DDX43: variants seen among roughly 807,000 people sequenced by gnomAD.
The protein encoded by DDX43 is probable ATP-dependent RNA helicase DDX43.
A neutral mutation model predicts 84.9 loss-of-function variants in DDX43; 50 were observed. The ratio of observed to expected loss-of-function variants is 0.59; its 90% confidence interval spans 0.47 to 0.75. DDX43 has a LOEUF of 0.75. Ranked by LOEUF, DDX43 falls within the 30% of genes least tolerant of loss-of-function variation. The pLI is 0.00. For synonymous variants in DDX43, 291 were observed against 266.3 expected, an observed-to-expected ratio of 1.09 and a Z score of -0.90; for missense variants, 689 against 798.6, an observed-to-expected ratio of 0.86 and a Z score of 1.65.
rs748539370 is a variant in DDX43 at position 73,408,025 on chromosome 6, T to C, written c.1103T>C (p.Ile368Thr). ...QIEELKKGVD[I>T]IIATPGRLND... The stretch of plus-strand genomic sequence containing the variant: ...GAAGAGCTTAAAAAAGGTGTAGATA[T>C]CATAATTGCAACTCCCGGAAGATTG... Residue 368 changes from isoleucine (I) to threonine (T), a missense_variant, in exon 9 of 17, where the codon ATC becomes ACC. By Grantham distance (89) the Ile-to-Thr change is moderately conservative (BLOSUM62 -1). Coordinates refer to ENST00000370336, the MANE Select transcript of DDX43 (RefSeq NM_018665.3). 3.1e-6 allele frequency: 5 copies of C among 1,613,784 alleles called. No individual in the cohort carries two copies. The African/African-American group carries it at 4.0e-5, about 13-fold the overall frequency.
At chr6:73,402,039 G>A (rs1204562599) in intron 4 of DDX43, 49 bp downstream of exon 4, 3 of 1,603,250 alleles carry the variant, frequency 1.9e-6, no homozygotes, top group Non-Finnish European at 1.7e-6. Flanking sequence ...GTTAACTGCA[G>A]TTTTTATTCT....
intron 1 of DDX43, among the ~76,000 whole-genome samples, chr6:73,397,007 GTTA>G (rs1284120509): frequency 1.3e-5 from 2 of 152,156 alleles, no homozygotes; most frequent in African/African-American, 2.4e-5. Context: ...TTTCAGTAGT[GTTA>G]TTATGAAAAT....
intron 2 of DDX43, among the ~76,000 whole-genome samples, chr6:73,399,531 G>T (rs2150789279): frequency 6.6e-6 from 1 of 152,214 alleles, no homozygotes; most frequent in East Asian, 1.9e-4. Flanking sequence ...TCCCATAATG[G>T]CCTCGTTTCA....
At chr6:73,415,705 C>T in intron 15 of DDX43, 121 bp downstream of exon 15, 1 of 655,658 alleles carries the variant, frequency 1.5e-6, no homozygotes. Flanking sequence ...GTTTTGAGGG[C>T]TTTAGCATGG....
chr6:73,399,963 T>C (rs1769535540), intron 2 of DDX43, among the ~76,000 whole-genome samples: 1 of 152,210 alleles, frequency 6.6e-6, no homozygotes, highest in Admixed American at 6.5e-5. Context: ...TCTACACTAT[T>C]TGCTGAGTTT....
intron 8 of DDX43, 30 bp from the exon 9 acceptor site, chr6:73,407,930 A>C (rs1769714145): frequency 1.1e-5 from 17 of 1,595,640 alleles, no homozygotes; most frequent in Non-Finnish European, 1.4e-5. Flanking sequence ...CTGTGCCTAA[A>C]CATTAACCTT....
chr6:73,416,342 A>G (rs1304073768), intron 16 of DDX43, 91 bp downstream of exon 16: 1 of 613,052 alleles, frequency 1.6e-6, no homozygotes, highest in Admixed American at 2.7e-5. Context: ...CATGATCTCT[A>G]AGTCATTAAC....
Position 73,405,597 on chromosome 6 carries a change from A to G in DDX43, c.651-82A>G, listed in dbSNP as rs1326403113. The G allele has an allele frequency of 8.7e-6, 12 of 1,386,310 alleles. No homozygotes were observed. In the East Asian group the frequency reaches 2.3e-4, roughly 27 times the overall value. The allele number at this position is 1,386,310 out of a possible 1,614,324, so 85.9% of individuals were successfully genotyped here. A position where few individuals can be genotyped will look rare whatever the true frequency, so the allele number is the denominator to read the frequency against. On this transcript the variant is annotated intron_variant, in intron 5 of 16. Coordinates refer to ENST00000370336, the MANE Select transcript of DDX43 (RefSeq NM_018665.3). ...TAATCAGTTGCAGTTGAATTTCTAGATAAGACCAGCACTGATTTTGGAGAA... is the reference window on the plus strand; with the variant it reads ...TAATCAGTTGCAGTTGAATTTCTAGGTAAGACCAGCACTGATTTTGGAGAA...
In DDX43 at chr6:73,394,929, C is replaced by CA; in HGVS notation, c.26dup (p.Ala10GlyfsTer8). ...CAATGTCCCACCACGGAGGAGCTCC[C>CA]AAGGCCTCTACGTGGGTCGTTGCTA... On this transcript the variant is annotated frameshift_variant, in exon 1 of 17. Coordinates refer to ENST00000370336, the MANE Select transcript of DDX43 (RefSeq NM_018665.3). LOFTEE classifies it high-confidence loss of function. 6.2e-7 allele frequency: 1 copy of CA among 1,614,252 alleles called. No individual in the cohort carries two copies. Among genetic ancestry groups the CA allele is most frequent in the Non-Finnish European group, 8.5e-7 (1 of 1,180,048 alleles).
chr6:73,408,381 A>G (rs1769720251), intron 9 of DDX43, among the ~76,000 whole-genome samples: 5 of 151,900 alleles, frequency 3.3e-5, no homozygotes, highest in Admixed American at 3.3e-4. Context: ...GCAGAAAGCC[A>G]AGATCATGCC....
chr6:73,401,570 A>G (rs1284638138), intron 3 of DDX43, among the ~76,000 whole-genome samples: 4 of 152,270 alleles, frequency 2.6e-5, no homozygotes, highest in South Asian at 4.1e-4. Context: ...TGGGAAGCCA[A>G]GGTGGGTGGA....
rs571185747 is a variant in DDX43 at position 73,395,633 on chromosome 6, A to T, written c.250+478A>T. Among the ~76,000 whole-genome samples, 760 of 151,892 alleles carry T rather than the reference A, an allele frequency of 5.0e-3. 7 individuals carry two copies. The highest frequency in any genetic ancestry group is 0.017 in the African/African-American group (724 of 41,430). On this transcript the variant is annotated intron_variant, in intron 1 of 16. Coordinates refer to ENST00000370336, the MANE Select transcript of DDX43 (RefSeq NM_018665.3). ...CGTCTCAATTAAAAAAAAAAAAAAA[A>T]AGTAATTTAATCCACCTTTTGGTGT...
Position 73,415,589 on chromosome 6 carries a change from G to T in DDX43, c.1833+5G>T. The T allele has an allele frequency of 6.3e-7, 1 of 1,595,016 alleles. No homozygotes were observed. Among genetic ancestry groups the T allele is most frequent in the South Asian group, 1.1e-5 (1 of 90,162 alleles). On this transcript the variant is annotated splice_donor_5th_base_variant and intron_variant, in intron 15 of 16. Transcript: ENST00000370336. The stretch of plus-strand genomic sequence containing the variant: ...ATTCTGGAAAGAGCAAATCAGGTGA[G>T]ACTATGCAATTCATTAGAAATCTAC...
Position 73,394,864 on chromosome 6 carries a change from A to G in DDX43, c.-42A>G. The G allele has an allele frequency of 1.2e-6, 2 of 1,605,160 alleles. No homozygotes were observed. The highest frequency in any genetic ancestry group is 1.7e-6 in the Non-Finnish European group (2 of 1,175,464). On this transcript the variant is annotated 5_prime_UTR_variant, in exon 1 of 17. Coordinates refer to ENST00000370336, the MANE Select transcript of DDX43 (RefSeq NM_018665.3). The stretch of plus-strand genomic sequence containing the variant: ...ACGACGTCACGGTCAGGTGGTGCAG[A>G]GCTGGACGGCAACGACGTCGGACGC...
At chr6:73,411,486 G>A (rs1769784106) in intron 10 of DDX43, among the ~76,000 whole-genome samples, 1 of 150,392 alleles carries the variant, frequency 6.6e-6, no homozygotes, top group Admixed American at 6.7e-5. Context: ...GCACCACCAC[G>A]CCTGACTTAT....
At chr6:73,402,478 G>A (rs1257932485) in intron 4 of DDX43, among the ~76,000 whole-genome samples, 5 of 152,158 alleles carry the variant, frequency 3.3e-5, no homozygotes, top group Non-Finnish European at 5.9e-5. Context: ...TCACTATCCT[G>A]TCCAGGCTAG....
Position 73,412,235 on chromosome 6 carries a change from C to A in DDX43, c.1311C>A (p.Leu437=). 1 of 1,613,660 alleles carries A rather than the reference C, an allele frequency of 6.2e-7. No individual in the cohort carries two copies. The change falls in exon 11 of 17, where the codon CTC becomes CTA. Residue 437 remains leucine (L), a synonymous_variant. Transcript: ENST00000370336. The stretch of plus-strand genomic sequence containing the variant: ...CATGGCCTCATTCAGTTCATCGCCT[C>A]GCACAATCTTATTTGAAAGAACCAA... ...SATWPHSVHR[L]AQSYLKEPMI...
chr6:73,413,161 G>C (rs1769835670), intron 11 of DDX43, among the ~76,000 whole-genome samples: 1 of 152,160 alleles, frequency 6.6e-6, no homozygotes, highest in African/African-American at 2.4e-5. Flanking sequence ...GGGTTCATGT[G>C]TTGTCAGTGG....
In DDX43 at chr6:73,407,514, T is replaced by C. The variant is rs1769706509; in HGVS notation, c.936T>C (p.Gly312=). 1.2e-6 allele frequency: 2 copies of C among 1,610,124 alleles called. No individual in the cohort carries two copies. The highest frequency in any genetic ancestry group is 2.2e-5 in the South Asian group (2 of 90,876). ...TGTTTTCTCTCCAAAGCCTTAAAGGTCAAAGGAATAGACCCGGCATGTTAG... is the reference window on the plus strand; with the variant it reads ...TGTTTTCTCTCCAAAGCCTTAAAGGCCAAAGGAATAGACCCGGCATGTTAG... ...IHLVLQPSLK[G]QRNRPGMLVL... The change falls in exon 8 of 17, where the codon GGT becomes GGC. Residue 312 remains glycine, a synonymous_variant. Transcript: ENST00000370336.
Sources: allele counts gnomAD v4.1 joint callset (sites outside exome capture counted in the v4.1 genomes callset), GRCh38; gene constraint gnomAD v4.1.1; transcripts MANE v1.5; gene names NCBI Gene and HGNC (gene_info 2026-07-23, HGNC 2026-07-21).